The following TRPM3 variants were observed in gnomAD, a reference collection of about 807,000 sequenced individuals.
TRPM3 encodes the protein transient receptor potential cation channel subfamily M member 3.
Under a neutral mutation model 181.2 loss-of-function variants are expected in TRPM3, and 77 were observed. The observed-to-expected ratio is 0.42, with a 90% confidence interval of 0.35 to 0.51. The LOEUF (loss-of-function observed/expected upper bound fraction) is 0.51. TRPM3 is among the 20% of genes least tolerant of loss of function. TRPM3 has a pLI of 0.01. For missense variants in TRPM3, 1,759 were observed against 2,196.7 expected (o/e 0.80, Z 3.98); for synonymous variants, 745 against 796.4 (o/e 0.94, Z 1.09).
chr9:70,693,795 T>G (rs1002857895), intron 8 of TRPM3, among the ~76,000 whole-genome samples: 1 of 152,194 alleles, frequency 6.6e-6, no homozygotes, highest in African/African-American at 2.4e-5. Context: ...ACTGGGCCAA[T>G]CTTACCCTTA....
intron 1 of TRPM3, among the ~76,000 whole-genome samples, chr9:71,391,580 T>C (rs2093064578): frequency 6.6e-6 from 1 of 152,064 alleles, no homozygotes; most frequent in Non-Finnish European, 1.5e-5. Flanking sequence ...TTGAAATGTT[T>C]CCATATGAAA....
chr9:70,960,302 T>A (rs191918050), intron 1 of TRPM3, among the ~76,000 whole-genome samples: 7 of 152,154 alleles, frequency 4.6e-5, no homozygotes, highest in Admixed American at 2.0e-4. Flanking sequence ...CTGTTGTGAA[T>A]GCCACTCAAG....
intron 22 of TRPM3, among the ~76,000 whole-genome samples, chr9:70,583,273 A>G (rs2056375379): frequency 6.6e-6 from 1 of 152,234 alleles, no homozygotes; most frequent in Non-Finnish European, 1.5e-5. Flanking sequence ...CTGCACATAC[A>G]CGTGAGAGTG....
At chr9:70,674,969 T>C (rs776607005) in intron 9 of TRPM3, among the ~76,000 whole-genome samples, 4 of 152,078 alleles carry the variant, frequency 2.6e-5, no homozygotes, top group Admixed American at 6.5e-5. Context: ...GGTCAGAACA[T>C]AGAGATTCTC....
chr9:70,757,928 G>T (rs145471082), intron 8 of TRPM3, among the ~76,000 whole-genome samples: 5 of 152,292 alleles, frequency 3.3e-5, no homozygotes, highest in Middle Eastern at 3.4e-3. Flanking sequence ...ACAAGACAGG[G>T]ATGCCCTCTC....
At chr9:71,353,404 G>T (rs542276045) in intron 1 of TRPM3, among the ~76,000 whole-genome samples, 1 of 152,216 alleles carries the variant, frequency 6.6e-6, no homozygotes, top group South Asian at 2.1e-4. Flanking sequence ...ATGCATAAAG[G>T]TAAGAGATGT....
intron 6 of TRPM3, among the ~76,000 whole-genome samples, chr9:70,800,721 A>G (rs2088712444): frequency 6.6e-6 from 1 of 152,224 alleles, no homozygotes; most frequent in Admixed American, 6.5e-5. Context: ...TTATTGTAAG[A>G]ATACAGTATA....
At chr9:70,849,546 G>A (rs7028142) in intron 3 of TRPM3, among the ~76,000 whole-genome samples, 55,413 of 151,752 alleles carry the variant, frequency 0.37, 10,458 homozygotes, top group Non-Finnish European at 0.38. Context: ...ATTAGTTAAT[G>A]TAAGGTAAAT....
chr9:71,010,231 C>A (rs7859063), intron 1 of TRPM3, among the ~76,000 whole-genome samples: 3 of 151,792 alleles, frequency 2.0e-5, no homozygotes, highest in Non-Finnish European at 2.9e-5. Context: ...AAGACAAATG[C>A]GGTTACATGA....
intron 1 of TRPM3, among the ~76,000 whole-genome samples, chr9:70,953,282 G>A (rs1192864690): frequency 6.6e-6 from 1 of 152,154 alleles, no homozygotes; most frequent in Non-Finnish European, 1.5e-5. Flanking sequence ...GAACATAAGG[G>A]TGGATGATTG....
chr9:71,047,521 G>A (rs1248382481), intron 1 of TRPM3, among the ~76,000 whole-genome samples: 1 of 152,130 alleles, frequency 6.6e-6, no homozygotes, highest in Non-Finnish European at 1.5e-5. Context: ...GAATTCCACC[G>A]ATAGGTTGAT....
At chr9:70,557,146 A>G (rs2047910935) in intron 22 of TRPM3, among the ~76,000 whole-genome samples, 1 of 152,210 alleles carries the variant, frequency 6.6e-6, no homozygotes, top group Non-Finnish European at 1.5e-5. Flanking sequence ...AGAGACATAG[A>G]AAGGGTACAA....
chr9:71,398,017 C>T (rs1405864811), intron 1 of TRPM3, among the ~76,000 whole-genome samples: 3 of 152,188 alleles, frequency 2.0e-5, no homozygotes, highest in Non-Finnish European at 4.4e-5. Flanking sequence ...TAGACCGTGC[C>T]ATTTGCTCAG....
intron 1 of TRPM3, among the ~76,000 whole-genome samples, chr9:71,015,272 C>G (rs1432886980): frequency 6.6e-6 from 1 of 152,166 alleles, no homozygotes; most frequent in East Asian, 1.9e-4. Flanking sequence ...TTGACAACTT[C>G]TCATAAATGT....
At chr9:70,662,903 G>A (rs902107973) in intron 9 of TRPM3, among the ~76,000 whole-genome samples, 5 of 151,990 alleles carry the variant, frequency 3.3e-5, no homozygotes, top group Non-Finnish European at 5.9e-5. Context: ...TCTAGGAAAG[G>A]AAAATAAGTC....
intron 1 of TRPM3, among the ~76,000 whole-genome samples, chr9:71,241,405 C>G (rs1197803913): frequency 1.3e-5 from 2 of 149,844 alleles, no homozygotes; most frequent in African/African-American, 4.9e-5. Context: ...GACAAAAAAC[C>G]AAACATCGCA....
At chr9:70,882,748 C>T (rs185041272) in intron 1 of TRPM3, among the ~76,000 whole-genome samples, 6 of 152,082 alleles carry the variant, frequency 3.9e-5, no homozygotes, top group Admixed American at 2.0e-4. Context: ...CTGGTGTCTC[C>T]CTACTTTATA....
In TRPM3 at chr9:71,420,699, AAGAG is replaced by A. The variant is rs72457284; in HGVS notation, c.183+25950_183+25953del. On this transcript the variant is annotated intron_variant, in intron 1 of 24. Transcript: ENST00000357533. ...AGAAAGAAAGAGAAAGGGAAAGAGA[AAGAG>A]AGAGAAAGAAAGAGAGAAAGAGAGA... Among the ~76,000 whole-genome samples the A allele has an allele frequency of 1.2e-3, 121 of 103,662 alleles. 6 individuals are homozygous for A. The East Asian group carries it at 0.024, about 21-fold the overall frequency. The allele number at this position is 103,662 out of a possible 152,430, so 68.0% of individuals were successfully genotyped here.
At chr9:71,112,956 C>A (rs553631843) in intron 1 of TRPM3, among the ~76,000 whole-genome samples, 1 of 152,218 alleles carries the variant, frequency 6.6e-6, no homozygotes, top group Non-Finnish European at 1.5e-5. Flanking sequence ...AACTCAGCTA[C>A]ACGGAATTCC....
Sources: allele counts gnomAD v4.1 joint callset (sites outside exome capture counted in the v4.1 genomes callset), GRCh38; gene constraint gnomAD v4.1.1; transcripts MANE v1.5; gene names NCBI Gene and HGNC (gene_info 2026-07-23, HGNC 2026-07-21).